CEP290: variants seen among roughly 807,000 people sequenced by gnomAD.
CEP290 encodes the protein centrosomal protein 290.
A neutral mutation model predicts 344.9 loss-of-function variants in CEP290; 317 were observed. The ratio of observed to expected loss-of-function variants is 0.92; its 90% confidence interval spans 0.84 to 1.01. CEP290 has a LOEUF of 1.01. CEP290 is among the 50% of genes least tolerant of loss of function. The pLI is 0.00. For missense variants in CEP290, 2,754 were observed against 2,761.4 expected, an observed-to-expected ratio of 1.00 and a Z score of 0.06; for synonymous variants, 932 against 895.8, an observed-to-expected ratio of 1.04 and a Z score of -0.72.
Position 88,089,201 on chromosome 12 carries a change from G to A in CEP290, c.3860C>T (p.Ser1287Phe), listed in dbSNP as rs1328822477. 2 of 1,612,354 alleles carry A rather than the reference G, an allele frequency of 1.2e-6. No homozygotes were observed. The highest frequency in any genetic ancestry group is 4.5e-5 in the East Asian group (2 of 44,848). ...ALPLAQQEKFSKTMIQLQNDK... is the reference protein window; with the variant it reads ...ALPLAQQEKFFKTMIQLQNDK... ...ATTTTGTAGTTGAATCATTGTTTTG[G>A]AGAACTTTTCCTGTTGTGCCAAGGG... Residue 1287 changes from serine (S) to phenylalanine (F), a missense_variant, in exon 31 of 54, where the codon TCC (serine) becomes TTC (phenylalanine). Ser to Phe is a radical substitution (Grantham distance 155). Transcript: ENST00000552810.
In CEP290 at chr12:88,114,417, TAC is replaced by T. The variant is rs747835249; in HGVS notation, c.2052+1_2052+2del. ...AAACATTAACATGAAAAAAATAACTTACATTAACTAGTCTTTCAAGGCTAGGG... is the reference window on the plus strand; with the variant it reads ...AAACATTAACATGAAAAAAATAACTTATTAACTAGTCTTTCAAGGCTAGGG... On this transcript the variant is annotated splice_donor_variant, in intron 20 of 53. Coordinates refer to ENST00000552810, the MANE Select transcript of CEP290 (RefSeq NM_025114.4). LOFTEE classifies it high-confidence loss of function. 68 of 1,537,196 alleles carry T rather than the reference TAC, an allele frequency of 4.4e-5. No homozygotes were observed. Among genetic ancestry groups the T allele is most frequent in the Non-Finnish European group, 5.2e-5 (59 of 1,142,082 alleles).
chr12:88,049,798 CCTTA>C (rs1258778276), intron 53 of CEP290: 1 of 156,010 alleles, frequency 6.4e-6, no homozygotes, highest in African/African-American at 2.5e-5. Context: ...TTTATATTTT[CCTTA>C]CTAATATCTA....
chr12:88,119,995 T>C, intron 15 of CEP290, 119 bp downstream of exon 15: 3 of 587,444 alleles, frequency 5.1e-6, no homozygotes, highest in Non-Finnish European at 8.1e-6. Context: ...AAATGTTTTA[T>C]AAAAGCATTT....
chr12:88,080,116 A>G, intron 38 of CEP290, 66 bp downstream of exon 38: 1 of 1,043,608 alleles, frequency 9.6e-7, no homozygotes, highest in Non-Finnish European at 1.4e-6. Context: ...AAATTTACAA[A>G]TCTTCTCTAA....
chr12:88,113,040 T>C (rs2038804226), intron 20 of CEP290, among the ~76,000 whole-genome samples: 2 of 152,120 alleles, frequency 1.3e-5, no homozygotes, highest in Non-Finnish European at 2.9e-5. Flanking sequence ...TCTGAAGATT[T>C]CTTAGAGAAG....
chr12:88,116,782 G>A (rs1304497312), intron 18 of CEP290, among the ~76,000 whole-genome samples: 1 of 151,808 alleles, frequency 6.6e-6, no homozygotes, highest in African/African-American at 2.4e-5. Context: ...AGACCATCCC[G>A]GCTAAAACGG....
intron 26 of CEP290, 141 bp downstream of exon 26, chr12:88,102,697 A>G: frequency 1.6e-6 from 1 of 617,566 alleles, no homozygotes; most frequent in Non-Finnish European, 2.7e-6. Context: ...AAACTGAATG[A>G]ATAATATGGA....
chr12:88,115,607 G>C (rs2038991975), intron 18 of CEP290: 1 of 1,199,560 alleles, frequency 8.3e-7, no homozygotes, highest in East Asian at 5.7e-5. Flanking sequence ...AAGTCAATGA[G>C]TTCATATCAA....
At chr12:88,061,904 G>A (rs1274488673) in intron 46 of CEP290, among the ~76,000 whole-genome samples, 1 of 151,784 alleles carries the variant, frequency 6.6e-6, no homozygotes, top group Non-Finnish European at 1.5e-5. Context: ...TCAACCTCCT[G>A]AGTAGCTAGG....
chr12:88,101,306 C>T lies in CEP290; in HGVS notation c.2991+1532G>A, dbSNP rs186718277. Reference sequence around the variant, plus strand: ...ACCATCCTGGCTAACAAGGTGAAACCCCATCTCTACTAAAAATACAAAAAA... The same window carrying T: ...ACCATCCTGGCTAACAAGGTGAAACTCCATCTCTACTAAAAATACAAAAAA... On this transcript the variant is annotated intron_variant, in intron 26 of 53. Transcript: ENST00000552810. Among the ~76,000 whole-genome samples the T allele has an allele frequency of 4.6e-5, 7 of 151,624 alleles. No homozygotes were observed. The South Asian group carries it at 8.3e-4, about 18-fold the overall frequency.
At chr12:88,094,974 GTATT>G (rs1378109696) in intron 27 of CEP290, among the ~76,000 whole-genome samples, 1 of 151,976 alleles carries the variant, frequency 6.6e-6, no homozygotes, top group African/African-American at 2.4e-5. Flanking sequence ...ATTATGTTCT[GTATT>G]TATCTTTAAA....
chr12:88,136,976 A>T lies in CEP290; in HGVS notation c.298-190T>A, dbSNP rs183837708. On this transcript the variant is annotated intron_variant, in intron 5 of 53. Coordinates refer to ENST00000552810, the MANE Select transcript of CEP290 (RefSeq NM_025114.4). ...TACTTAAGGTTAGTTCACAGCTAAT[A>T]ACTCCTTAAATTTTTCCTGAGCCAC... 3.4e-4 allele frequency among the ~76,000 whole-genome samples: 52 copies of T among 152,196 alleles called. No individual in the cohort carries two copies. The East Asian group carries it at 9.3e-3, about 27-fold the overall frequency.
intron 17 of CEP290, 38 bp from the exon 18 acceptor site, chr12:88,117,183 A>G: frequency 1.0e-6 from 1 of 974,484 alleles, no homozygotes; most frequent in Non-Finnish European, 1.5e-6. Flanking sequence ...AAACATTAAA[A>G]TAACCCTCCT....
chr12:88,072,265 T>C (rs576196065), intron 41 of CEP290, among the ~76,000 whole-genome samples: 1 of 152,148 alleles, frequency 6.6e-6, no homozygotes, highest in Non-Finnish European at 1.5e-5. Context: ...CAATATTTTT[T>C]AATAATTTTG....
rs1272019874 is a variant in CEP290, at chr12:88,077,744, T to A, written c.5539A>T (p.Asn1847Tyr). 1 of 1,578,686 alleles carries A rather than the reference T, an allele frequency of 6.3e-7. No homozygotes were observed. Among genetic ancestry groups the A allele is most frequent in the African/African-American group, 1.4e-5 (1 of 72,874 alleles). Residue 1847 changes from asparagine to tyrosine, a missense_variant, in exon 40 of 54, where the codon AAT (asparagine) becomes TAT (tyrosine). By Grantham distance (143) the Asn-to-Tyr change is moderately radical. Transcript: ENST00000552810. ...TTAATTTGCCTTTTCAGTTCATCAT[T>A]CTCTTGATCAATTTCCTCTTTCTCT... ...LREKEEIDQE[N>Y]DELKRQIKRL...
intron 11 of CEP290, among the ~76,000 whole-genome samples, chr12:88,127,049 T>A (rs2039776090): frequency 6.7e-6 from 1 of 149,968 alleles, no homozygotes. Flanking sequence ...CATACACAAA[T>A]TAAAACAAGT....
intron 11 of CEP290, among the ~76,000 whole-genome samples, chr12:88,128,101 C>A (rs1417213336): frequency 6.6e-6 from 1 of 152,102 alleles, no homozygotes; most frequent in Non-Finnish European, 1.5e-5. Flanking sequence ...CTTGCTCACT[C>A]ATTTACGTAT....
chr12:88,062,945 T>A (rs1255466206), intron 45 of CEP290, among the ~76,000 whole-genome samples, 167 bp from the exon 46 acceptor site: 1 of 152,154 alleles, frequency 6.6e-6, no homozygotes. Flanking sequence ...GTTAAATTAA[T>A]ACAAGAATAT....
At chr12:88,114,397 T>C in intron 20 of CEP290, 23 bp downstream of exon 20, 1 of 1,527,954 alleles carries the variant, frequency 6.5e-7, no homozygotes, top group Non-Finnish European at 8.8e-7. Flanking sequence ...GGGAAAAACA[T>C]TAACATGAAA....
Sources: allele counts gnomAD v4.1 joint callset (sites outside exome capture counted in the v4.1 genomes callset), GRCh38; gene constraint gnomAD v4.1.1; transcripts MANE v1.5; gene names NCBI Gene and HGNC (gene_info 2026-07-23, HGNC 2026-07-21).